Variants in ACTR3C observed in about 807,000 individuals in gnomAD.
The protein encoded by ACTR3C is actin related protein 3C.
A neutral mutation model predicts 26.3 loss-of-function variants in ACTR3C; 18 were observed. The observed-to-expected ratio is 0.68, with a 90% CI of 0.47 to 1.01. ACTR3C has a LOEUF of 1.01. Ranked by LOEUF, ACTR3C falls within the 50% of genes least tolerant of loss-of-function variation. The pLI, the probability that ACTR3C is intolerant of heterozygous loss-of-function variation, is 0.00. For missense variants in ACTR3C, 184 were observed against 250.7 expected (o/e 0.73, Z 1.80); for synonymous variants, 55 against 94.5 (o/e 0.58, Z 2.42).
the ACTR3C span, among the ~76,000 whole-genome samples, chr7:149,900,894 G>A: frequency 3.9e-5 from 6 of 151,996 alleles, no homozygotes; most frequent in East Asian, 1.9e-4. Flanking sequence ...TTAGCCGGGC[G>A]TGGTGGTGGG....
chr7:150,045,649 C>A, the ACTR3C span, among the ~76,000 whole-genome samples: 1 of 150,424 alleles, frequency 6.6e-6, no homozygotes, highest in African/African-American at 2.5e-5. Flanking sequence ...ATGTTATATC[C>A]CTGATTTGTT....
the ACTR3C span, among the ~76,000 whole-genome samples, chr7:150,117,793 C>A: frequency 5.4e-4 from 82 of 152,358 alleles, no homozygotes; most frequent in Non-Finnish European, 1.0e-3. Flanking sequence ...GATGGGGAGA[C>A]ACCTCCCAGC....
At chr7:150,298,870 A>G (rs550290911) in intron 1 of ACTR3C, among the ~76,000 whole-genome samples, 5 of 152,142 alleles carry the variant, frequency 3.3e-5, no homozygotes, top group African/African-American at 1.2e-4. Flanking sequence ...GAACTCTATG[A>G]AGAAACAATC....
At chr7:150,006,245 G>T in the ACTR3C span, among the ~76,000 whole-genome samples, 30 of 134,200 alleles carry the variant, frequency 2.2e-4, no homozygotes, top group African/African-American at 7.8e-4. Context: ...CGCCCAGGCT[G>T]GAGTGCAGTG....
the ACTR3C span, among the ~76,000 whole-genome samples, chr7:149,940,719 C>T: frequency 7.3e-6 from 1 of 136,910 alleles, no homozygotes; most frequent in Non-Finnish European, 1.6e-5. Context: ...CCCCACTCTC[C>T]TAGGATTGGT....
At chr7:150,024,605 G>T in the ACTR3C span, among the ~76,000 whole-genome samples, 19 of 149,516 alleles carry the variant, frequency 1.3e-4, no homozygotes, top group African/African-American at 3.5e-4. Context: ...AAACAAACGG[G>T]CACAGGTTCC....
the ACTR3C span, among the ~76,000 whole-genome samples, chr7:150,008,875 C>T: frequency 1.3e-5 from 2 of 151,476 alleles, no homozygotes; most frequent in African/African-American, 2.4e-5. Context: ...GAGCAGGGAA[C>T]GGGGCTCCCG....
chr7:150,208,869 A>C, the ACTR3C span, among the ~76,000 whole-genome samples: 1 of 152,150 alleles, frequency 6.6e-6, no homozygotes, highest in Non-Finnish European at 1.5e-5. Context: ...ACATTAGTGG[A>C]GGTGGACATT....
chr7:150,252,228 T>C (rs1262461231), intron 6 of ACTR3C, among the ~76,000 whole-genome samples: 2 of 152,118 alleles, frequency 1.3e-5, no homozygotes, highest in African/African-American at 4.8e-5. Context: ...TTAATCAACA[T>C]GTATTTCTGA....
chr7:150,114,715 C>G, the ACTR3C span, among the ~76,000 whole-genome samples: 3 of 152,316 alleles, frequency 2.0e-5, no homozygotes, highest in East Asian at 5.8e-4. Flanking sequence ...GAATGTGTAA[C>G]CAGTGGAAAC....
At chr7:149,886,041 G>A in the ACTR3C span, among the ~76,000 whole-genome samples, 8 of 152,250 alleles carry the variant, frequency 5.3e-5, no homozygotes, top group African/African-American at 1.9e-4. Context: ...CTGCCTCATA[G>A]AAGTTGTGCA....
chr7:149,910,581 TTAAC>T, the ACTR3C span, among the ~76,000 whole-genome samples: 6 of 140,684 alleles, frequency 4.3e-5, no homozygotes, highest in Non-Finnish European at 1.0e-4. Flanking sequence ...ACTACTCTAA[TTAAC>T]AGTAACGTCT....
chr7:150,267,413 G>C (rs1408503231), intron 6 of ACTR3C, among the ~76,000 whole-genome samples: 2 of 152,182 alleles, frequency 1.3e-5, no homozygotes, highest in Non-Finnish European at 2.9e-5. Flanking sequence ...CTTAGGGCAC[G>C]AGTCTCTTCT....
chr7:149,941,774 C>T, the ACTR3C span, among the ~76,000 whole-genome samples: 25 of 152,306 alleles, frequency 1.6e-4, no homozygotes, highest in South Asian at 5.0e-3. Context: ...CAAGACCTTC[C>T]CTGCTCCATG....
the ACTR3C span, among the ~76,000 whole-genome samples, chr7:150,086,771 G>A: frequency 3.9e-5 from 6 of 152,174 alleles, no homozygotes; most frequent in African/African-American, 1.4e-4. Flanking sequence ...ACCGGGATCT[G>A]ATGGAGGCTC....
chr7:150,299,495 C>CAAAA, intron 1 of ACTR3C, among the ~76,000 whole-genome samples: 2 of 84,564 alleles, frequency 2.4e-5, no homozygotes, highest in Non-Finnish European at 4.7e-5. Context: ...AAAAAAAAAA[C>CAAAA]AAAAAACAGG....
chr7:149,889,249 A>G, the ACTR3C span, among the ~76,000 whole-genome samples: 3 of 152,184 alleles, frequency 2.0e-5, no homozygotes, highest in Non-Finnish European at 4.4e-5. Context: ...ATGCACAGAA[A>G]CAAATTTCAG....
Position 150,286,364 on chromosome 7 carries a change from T to A in ACTR3C, c.471+3A>T, listed in dbSNP as rs756266177. The A allele has an allele frequency of 6.2e-7, 1 of 1,613,920 alleles. No individual in the cohort carries two copies. The highest frequency in any genetic ancestry group is 8.5e-7 in the Non-Finnish European group (1 of 1,179,948). ...TGAGCACACAAAAAAAGAAACACCT[T>A]ACCTCCGGGTGAAAGAATATTTCAG... is the stretch of plus-strand genomic sequence containing the variant. On this transcript the variant is annotated splice_donor_region_variant and intron_variant, in intron 5 of 7. Transcript: ENST00000683684.
chr7:150,203,953 A>G, the ACTR3C span, among the ~76,000 whole-genome samples: 2 of 151,738 alleles, frequency 1.3e-5, no homozygotes. Context: ...TATTTAAAAA[A>G]TAATAAAGGG....
Sources: gnomAD v4.1 joint callset for allele counts (sites outside exome capture counted in the v4.1 genomes callset) on GRCh38, gnomAD v4.1.1 for gene constraint, MANE v1.5 for transcripts, NCBI Gene and HGNC (gene_info 2026-07-23, HGNC 2026-07-21) for gene names.